The following KATNIP variants were observed in gnomAD, a reference collection of about 807,000 sequenced individuals.
The protein encoded by KATNIP is katanin interacting protein, also known as katanin-interacting protein.
Under a neutral mutation model 174.0 loss-of-function variants are expected in KATNIP, and 126 were observed. That is an observed-to-expected ratio of 0.72 (90% CI 0.63 to 0.84). The LOEUF (loss-of-function observed/expected upper bound fraction) is 0.84. Ranked by LOEUF, KATNIP falls within the 40% of genes least tolerant of loss-of-function variation. The pLI is 0.00. For synonymous variants in KATNIP, 810 were observed against 835.7 expected (o/e 0.97, Z 0.53); for missense variants, 1,958 against 2,109.7 (o/e 0.93, Z 1.41).
At chr16:27,636,526 C>T (rs1041168571) in intron 5 of KATNIP, among the ~76,000 whole-genome samples, 1 of 151,946 alleles carries the variant, frequency 6.6e-6, no homozygotes, top group Non-Finnish European at 1.5e-5. Context: ...GAGCTATGTA[C>T]GTGTAACCTC....
At chr16:27,634,351 G>A (rs2076574076) in intron 5 of KATNIP, among the ~76,000 whole-genome samples, 1 of 152,172 alleles carries the variant, frequency 6.6e-6, no homozygotes, top group South Asian at 2.1e-4. Context: ...TGCAGTGCAG[G>A]GAGTCGGGTG....
intron 2 of KATNIP, among the ~76,000 whole-genome samples, chr16:27,600,033 C>T (rs1170082669): frequency 8.5e-5 from 13 of 152,182 alleles, no homozygotes; most frequent in Admixed American, 3.9e-4. Context: ...AGCCACTCAT[C>T]GCCCCCGCCT....
rs911028871 is a variant in KATNIP at position 27,571,993 on chromosome 16, T to C, written c.8-1908T>C. Among the ~76,000 whole-genome samples, 7 of 152,102 alleles carry C rather than the reference T, an allele frequency of 4.6e-5. 1 individual carries two copies. The highest frequency in any genetic ancestry group is 1.7e-4 in the African/African-American group (7 of 41,396). ...TTGATCCCTAAATCCTGGGGGTGTG[T>C]GTGTGTGTGTGTATGTGTGTGTGTG... is the stretch of plus-strand genomic sequence containing the variant. On this transcript the variant is annotated intron_variant, in intron 1 of 27. Transcript: ENST00000261588.
At chr16:27,588,515 A>C (rs562459060) in intron 2 of KATNIP, among the ~76,000 whole-genome samples, 1 of 152,002 alleles carries the variant, frequency 6.6e-6, no homozygotes, top group African/African-American at 2.4e-5. Flanking sequence ...TTGCTCTGCC[A>C]CTCAGGCTGG....
At position 27,689,549 on chromosome 16, in the gene KATNIP, A is replaced by G. The variant is rs1334647632; in HGVS notation, c.940+8019A>G. On this transcript the variant is annotated intron_variant, in intron 8 of 27. Coordinates refer to ENST00000261588, the MANE Select transcript of KATNIP (RefSeq NM_015202.5). ...ATTGCTGTCCTTGAAAATCACCCGC[A>G]CTCCTGGGCTCAGGGAGAGACAGTG... Among the ~76,000 whole-genome samples, 3 of 151,854 alleles carry G rather than the reference A, an allele frequency of 2.0e-5. No individual in the cohort carries two copies. In the East Asian group the frequency reaches 5.8e-4, roughly 29 times the overall value.
intron 5 of KATNIP, among the ~76,000 whole-genome samples, chr16:27,634,794 C>T (rs1428935903): frequency 6.6e-6 from 1 of 152,156 alleles, no homozygotes; most frequent in Non-Finnish European, 1.5e-5. Flanking sequence ...CAAAATGTAA[C>T]CATAATAGGT....
chr16:27,748,447 C>T (rs575215194), intron 15 of KATNIP, among the ~76,000 whole-genome samples: 14 of 152,042 alleles, frequency 9.2e-5, no homozygotes, highest in African/African-American at 2.7e-4. Context: ...AAAAATTAGC[C>T]GAACATGTTG....
chr16:27,698,292 A>G (rs1168109369), intron 8 of KATNIP, 36 bp from the exon 9 acceptor site: 1 of 1,576,322 alleles, frequency 6.3e-7, no homozygotes, highest in East Asian at 2.3e-5. Context: ...CCGAGAATAT[A>G]ATCTAAAAGA....
rs200454528 is a variant in KATNIP, at chr16:27,757,896, AG to A, written c.3632-3516del. Reference sequence around the variant, plus strand: ...GGGGATATATGACTTGCTAATTTGCAGATGACACTAATTTTGGAAGTTTTGC... The same window carrying A: ...GGGGATATATGACTTGCTAATTTGCAATGACACTAATTTTGGAAGTTTTGC... On this transcript the variant is annotated intron_variant, in intron 18 of 27. Transcript: ENST00000261588. Among the ~76,000 whole-genome samples, 824 of 152,370 alleles carry A rather than the reference AG, an allele frequency of 5.4e-3. 9 individuals carry two copies. The highest frequency in any genetic ancestry group is 0.019 in the African/African-American group (804 of 41,592).
chr16:27,688,739 C>T (rs1272444019), intron 8 of KATNIP, among the ~76,000 whole-genome samples: 1 of 152,226 alleles, frequency 6.6e-6, no homozygotes, highest in Non-Finnish European at 1.5e-5. Context: ...CTTTGAGACC[C>T]ATGTCTCTAG....
chr16:27,772,299 G>C (rs1004661646), intron 22 of KATNIP, among the ~76,000 whole-genome samples: 5 of 152,144 alleles, frequency 3.3e-5, no homozygotes, highest in African/African-American at 1.2e-4. Flanking sequence ...TTCACAGCTA[G>C]GAAAACTGAG....
chr16:27,694,777 G>T (rs2078856340), intron 8 of KATNIP, among the ~76,000 whole-genome samples: 1 of 150,690 alleles, frequency 6.6e-6, no homozygotes, highest in African/African-American at 2.4e-5. Flanking sequence ...GCCTGGACAA[G>T]GGAGACCCTA....
At chr16:27,707,472 G>A (rs529667312) in intron 12 of KATNIP, among the ~76,000 whole-genome samples, 14 of 152,336 alleles carry the variant, frequency 9.2e-5, no homozygotes, top group Admixed American at 6.5e-4. Context: ...ACCCAGGGCC[G>A]AGGCTCATGA....
At chr16:27,691,902 T>C (rs921152549) in intron 8 of KATNIP, among the ~76,000 whole-genome samples, 3 of 152,094 alleles carry the variant, frequency 2.0e-5, no homozygotes, top group South Asian at 2.1e-4. Context: ...GAAGTGAGCA[T>C]AGGGCTGCAG....
At chr16:27,723,182 C>T (rs1309129494) in intron 14 of KATNIP, among the ~76,000 whole-genome samples, 6 of 152,154 alleles carry the variant, frequency 3.9e-5, no homozygotes, top group African/African-American at 7.2e-5. Context: ...GCCACCAGGG[C>T]GATCCAATCA....
Position 27,773,139 on chromosome 16 carries a change from C to G in KATNIP, c.4239C>G (p.Pro1413=), listed in dbSNP as rs1346657570. 1 of 1,612,798 alleles carries G rather than the reference C, an allele frequency of 6.2e-7. No individual in the cohort carries two copies. Among genetic ancestry groups the G allele is most frequent in the Non-Finnish European group, 8.5e-7 (1 of 1,179,442 alleles). The change falls in exon 23 of 28, where the codon CCC becomes CCG. Residue 1413 remains proline (P), a synonymous_variant. Transcript: ENST00000261588. ...AGCTTCTCACCAGCTGGGGCGACCC[C>G]TACTACATCGGCCTCACCGGCCTGG... ...QFQLLTSWGD[P]YYIGLTGLEL...
chr16:27,754,139 C>G, intron 17 of KATNIP, 34 bp from the exon 18 acceptor site: 10 of 1,582,752 alleles, frequency 6.3e-6, no homozygotes, highest in Non-Finnish European at 8.7e-6. Flanking sequence ...CTAAAACCAC[C>G]CCCTTTTCCT....
chr16:27,603,569 G>A (rs150413398), intron 2 of KATNIP, among the ~76,000 whole-genome samples: 2,153 of 151,998 alleles, frequency 0.014, 17 homozygotes, highest in Non-Finnish European at 0.024. Context: ...AAGGGAAGAG[G>A]GAGCCCCTCC....
In KATNIP at chr16:27,776,924, A is replaced by C; in HGVS notation, c.4450-4A>C. 1 of 1,602,372 alleles carries C rather than the reference A, an allele frequency of 6.2e-7. No homozygotes were observed. The highest frequency in any genetic ancestry group is 8.6e-7 in the Non-Finnish European group (1 of 1,169,482). ...CTGTTTTAATTAGTGCCGCTCTCTG[A>C]CAGGTGAACCGGGTTTATGTGATTT... On this transcript the variant is annotated splice_polypyrimidine_tract_variant and splice_region_variant and intron_variant, in intron 24 of 27. Transcript: ENST00000261588. This position sits in a 1 kb window ranked among gnomAD's most constrained non-coding sequence, Gnocchi z 4.7.
Sources: allele counts gnomAD v4.1 joint callset (sites outside exome capture counted in the v4.1 genomes callset), GRCh38; gene constraint gnomAD v4.1.1; non-coding constraint Gnocchi (gnomAD v3.1); transcripts MANE v1.5; gene names NCBI Gene and HGNC (gene_info 2026-07-23, HGNC 2026-07-21).